Variants in ATRX observed in about 807,000 individuals in gnomAD.
ATRX encodes ATRX chromatin remodeler.
ATRX carries 12 observed loss-of-function variants against 172.6 expected under a neutral mutation model. The ratio of observed to expected loss-of-function variants is 0.07; its 90% confidence interval spans 0.04 to 0.11. The LOEUF is 0.11. ATRX is among the 10% of genes least tolerant of loss of function. The pLI, the probability that ATRX is intolerant of heterozygous loss-of-function variation, is 1.00. For synonymous variants in ATRX, 674 were observed against 594.7 expected, an observed-to-expected ratio of 1.13 and a Z score of -1.94; for missense variants, 1,368 against 1,767.4, an observed-to-expected ratio of 0.77 and a Z score of 4.05.
At chrX:77,773,706 C>G (rs2076247032) in intron 1 of ATRX, among the ~76,000 whole-genome samples, 1 of 108,793 alleles carries the variant, frequency 9.2e-6, no homozygotes, top group Non-Finnish European at 1.9e-5. Flanking sequence ...GAGCCGAGAT[C>G]GCACGTCTGC....
intron 6 of ATRX, among the ~76,000 whole-genome samples, chrX:77,689,921 CA>C (rs1185770156): frequency 2.7e-5 from 3 of 111,969 alleles, no homozygotes; most frequent in Non-Finnish European, 5.6e-5. Context: ...AAAAAGGAGA[CA>C]ACTAAAAAAC....
intron 22 of ATRX, among the ~76,000 whole-genome samples, chrX:77,607,007 G>C (rs782110369): frequency 9.0e-6 from 1 of 111,144 alleles, no homozygotes; most frequent in Non-Finnish European, 1.9e-5. Flanking sequence ...AGCTATATAC[G>C]ACATACCGAC....
chrX:77,769,368 C>T (rs1033057583), intron 1 of ATRX, among the ~76,000 whole-genome samples: 1 of 108,778 alleles, frequency 9.2e-6, no homozygotes, highest in Non-Finnish European at 1.9e-5. Context: ...CTGCAACCTC[C>T]ACCTCCCGAG....
At position 77,727,136 on chromosome X, in the gene ATRX, T is replaced by C. The variant is rs6649996; in HGVS notation, c.21-9893A>G. Reference sequence around the variant, plus strand: ...AAATCAAAACCACAATGAGATACCATCTCATGCCAATTAGAATGCCGATCA... The same window carrying C: ...AAATCAAAACCACAATGAGATACCACCTCATGCCAATTAGAATGCCGATCA... On this transcript the variant is annotated intron_variant, in intron 1 of 34. Transcript: ENST00000373344. Among the ~76,000 whole-genome samples, 900 of 111,038 alleles carry C rather than the reference T, an allele frequency of 8.1e-3. 13 individuals carry two copies. The highest frequency in any genetic ancestry group is 0.028 in the African/African-American group (862 of 30,524).
At chrX:77,547,206 A>AT (rs1402041855) in intron 30 of ATRX, among the ~76,000 whole-genome samples, 2 of 111,665 alleles carry the variant, frequency 1.8e-5, no homozygotes, top group African/African-American at 6.5e-5. Flanking sequence ...CCAACTCTCC[A>AT]TAAGGAGACA....
chrX:77,558,549 G>C, intron 29 of ATRX, 120 bp downstream of exon 29: 1 of 637,544 alleles, frequency 1.6e-6, no homozygotes, highest in South Asian at 3.1e-5. Flanking sequence ...GCTGCTTTAT[G>C]TACAGAAATG....
intron 1 of ATRX, among the ~76,000 whole-genome samples, chrX:77,769,253 G>GT (rs1309044731): frequency 1.9e-5 from 2 of 107,976 alleles, no homozygotes; most frequent in Non-Finnish European, 3.8e-5. Context: ...CACAAGGATT[G>GT]TTTTTTCCCA....
chrX:77,649,529 C>T (rs1384743728), intron 15 of ATRX, among the ~76,000 whole-genome samples: 5 of 112,095 alleles, frequency 4.5e-5, no homozygotes, highest in Admixed American at 9.4e-5. Flanking sequence ...GCCAACATTA[C>T]GTGAAACTAC....
chrX:77,785,932 G>C lies in ATRX; in HGVS notation c.20+50C>G, dbSNP rs371957285. The stretch of plus-strand genomic sequence containing the variant: ...GCCTTCCCAAACACCCGACTCAGAC[G>C]GTGCCTGGGCCCAGACCGCTGGGGC... On this transcript the variant is annotated intron_variant, in intron 1 of 34. Transcript: ENST00000373344. 10 of 1,159,338 alleles carry C rather than the reference G, an allele frequency of 8.6e-6. No individual in the cohort carries two copies. The African/African-American group carries it at 1.8e-4, about 21-fold the overall frequency.
intron 27 of ATRX, among the ~76,000 whole-genome samples, chrX:77,577,017 G>A (rs1159006149): frequency 9.0e-6 from 1 of 111,676 alleles, no homozygotes; most frequent in African/African-American, 3.3e-5. Flanking sequence ...CCAGTTATCT[G>A]TTGATGGACA....
intron 1 of ATRX, among the ~76,000 whole-genome samples, chrX:77,732,109 C>T (rs782252551): frequency 8.9e-6 from 1 of 111,838 alleles, no homozygotes; most frequent in South Asian, 3.7e-4. Context: ...GACACCACCC[C>T]CCTCCCCATC....
chrX:77,735,808 CTAAA>C (rs201962494), intron 1 of ATRX, among the ~76,000 whole-genome samples: 12 of 70,413 alleles, frequency 1.7e-4, no homozygotes, highest in East Asian at 4.4e-4. Flanking sequence ...TCTCAAAAAA[CTAAA>C]TAAATAAATA....
Position 77,682,940 on chromosome X carries a change from C to T in ATRX, c.2316G>A (p.Gly772=), listed in dbSNP as rs1187990991. The T allele has an allele frequency of 1.7e-6, 2 of 1,208,116 alleles. No homozygotes were observed. The highest frequency in any genetic ancestry group is 3.0e-5 in the East Asian group (1 of 33,751). ...KTLYDLKTQA[G]KDDKGKRKRK... ...GTTTCCTTTTTCCTTTATCATCTTT[C>T]CCCGCCTGAGTCTTTAAATCATACA... The change falls in exon 9 of 35, where the codon GGG becomes GGA. Residue 772 remains glycine, a synonymous_variant. Coordinates refer to ENST00000373344, the MANE Select transcript of ATRX (RefSeq NM_000489.6).
intron 15 of ATRX, among the ~76,000 whole-genome samples, chrX:77,641,744 G>C (rs979982795): frequency 2.7e-5 from 3 of 110,835 alleles, no homozygotes; most frequent in Non-Finnish European, 5.7e-5. Flanking sequence ...CAGAAGAAAA[G>C]ATCAACAAAA....
In ATRX at chrX:77,637,612, GA is replaced by G. The variant is rs200525090; in HGVS notation, c.4558-1557del. 8.3e-5 allele frequency among the ~76,000 whole-genome samples: 9 copies of G among 107,906 alleles called. No individual in the cohort carries two copies. In the South Asian group the frequency reaches 2.8e-3, roughly 33 times the overall value. 93.7% of individuals were successfully genotyped at this position (107,906 alleles called of 115,157 possible). On this transcript the variant is annotated intron_variant, in intron 15 of 34. Transcript: ENST00000373344. The stretch of plus-strand genomic sequence containing the variant: ...GTGATAAACAGTTTTATGGTTCCAT[GA>G]AAAAAAAATAGAAACTCGTGATTTT...
At chrX:77,530,832 A>T (rs188459579) in intron 30 of ATRX, among the ~76,000 whole-genome samples, 66 of 111,369 alleles carry the variant, frequency 5.9e-4, no homozygotes, top group African/African-American at 2.1e-3. Flanking sequence ...GAATCCAGGA[A>T]GTGGTTTCTT....
intron 7 of ATRX, among the ~76,000 whole-genome samples, chrX:77,686,445 G>A (rs1280688770): frequency 1.8e-5 from 2 of 112,516 alleles, no homozygotes; most frequent in African/African-American, 6.5e-5. Context: ...GCCGGGTACA[G>A]TGGCTCATGC....
At chrX:77,738,809 C>T (rs958533824) in intron 1 of ATRX, among the ~76,000 whole-genome samples, 1 of 109,482 alleles carries the variant, frequency 9.1e-6, no homozygotes, top group Non-Finnish European at 1.9e-5. Context: ...GTGGTCTGCC[C>T]GCCTCAGCTT....
intron 5 of ATRX, 122 bp from the exon 6 acceptor site, chrX:77,694,059 T>C: frequency 1.8e-6 from 1 of 563,856 alleles, no homozygotes; most frequent in Non-Finnish European, 3.0e-6. Context: ...GCTTTAGATA[T>C]TGGTGTAAGG....
Sources: allele counts gnomAD v4.1 joint callset (sites outside exome capture counted in the v4.1 genomes callset), GRCh38; gene constraint gnomAD v4.1.1; transcripts MANE v1.5; gene names NCBI Gene and HGNC (gene_info 2026-07-23, HGNC 2026-07-21).